The following GNAL variants were observed in gnomAD, a reference collection of about 807,000 sequenced individuals.
GNAL encodes the protein G protein subunit alpha L, also known as guanine nucleotide-binding protein G(olf) subunit alpha.
In GNAL, 18 loss-of-function variants were observed where a neutral mutation model predicts 55.1. That is an observed-to-expected ratio of 0.33 (90% CI 0.23 to 0.48). The LOEUF (loss-of-function observed/expected upper bound fraction) is 0.48, where lower values mean the gene tolerates loss of function less well. Among genes scored for constraint, GNAL ranks in the 20% least tolerant of loss-of-function variants. The pLI is 0.99. For synonymous variants in GNAL, 253 were observed against 237.0 expected (o/e 1.07, Z -0.62); for missense variants, 412 against 614.1 (o/e 0.67, Z 3.48).
chr18:11,775,237 G>A (rs886476659), intron 4 of GNAL, among the ~76,000 whole-genome samples: 4 of 152,228 alleles, frequency 2.6e-5, no homozygotes, highest in African/African-American at 9.6e-5. Context: ...ACCAACTGTG[G>A]ACCCTTGCTT....
In GNAL at chr18:11,868,337, T is replaced by A. The variant is rs182129811; in HGVS notation, c.911-206T>A. ...AGCACTTAAGCATCCCAAATTTACATGTGTCTTTTGGGGTGGGCTCTTCAT... is the reference window on the plus strand; with the variant it reads ...AGCACTTAAGCATCCCAAATTTACAAGTGTCTTTTGGGGTGGGCTCTTCAT... On this transcript the variant is annotated intron_variant, in intron 8 of 11. Transcript: ENST00000334049. The surrounding 1 kb of genome is among the most constrained non-coding windows in gnomAD (Gnocchi z 4.0). 4.6e-5 allele frequency among the ~76,000 whole-genome samples: 7 copies of A among 151,398 alleles called. No individual in the cohort carries two copies. The highest frequency in any genetic ancestry group is 1.5e-5 in the Non-Finnish European group (1 of 67,874).
chr18:11,711,726 G>A (rs1308347780), intron 1 of GNAL, among the ~76,000 whole-genome samples: 1 of 152,062 alleles, frequency 6.6e-6, no homozygotes, highest in East Asian at 1.9e-4. Context: ...TTTCTTTAGG[G>A]TAGGTTACTG....
At chr18:11,763,377 T>TATCA (rs2033305573) in intron 4 of GNAL, among the ~76,000 whole-genome samples, 1 of 152,182 alleles carries the variant, frequency 6.6e-6, no homozygotes, top group Non-Finnish European at 1.5e-5. Context: ...ACAGCACAGG[T>TATCA]ATCAAAATTA....
At chr18:11,864,931 TTA>T (rs2036227279) in intron 7 of GNAL, among the ~76,000 whole-genome samples, 1 of 152,162 alleles carries the variant, frequency 6.6e-6, no homozygotes, top group South Asian at 2.1e-4. Flanking sequence ...AATGAGCAGT[TTA>T]TGTGTGTCTC....
At chr18:11,821,521 A>T (rs2035089176) in intron 4 of GNAL, among the ~76,000 whole-genome samples, 1 of 152,362 alleles carries the variant, frequency 6.6e-6, no homozygotes, top group East Asian at 1.9e-4. Flanking sequence ...ACTACGTAAG[A>T]ACTATTTTAA....
In GNAL at chr18:11,689,837, C is replaced by G. The variant is rs1250138763; in HGVS notation, c.274C>G (p.Arg92Gly). Residue 92 changes from arginine (R) to glycine (G), a missense_variant, in exon 1 of 12, where the codon CGC becomes GGC. By Grantham distance (125) the Arg-to-Gly change is moderately radical. This residue lies in a region of GNAL where 228 missense variants were observed against 194.8 expected (regional missense o/e 1.17). Coordinates refer to ENST00000334049, the MANE Select transcript of GNAL (RefSeq NM_182978.4). ...CGAGGAGCGCGAGGCGGCCAAGGAG[C>G]GCGAGGCGGTCAAGGAGGCGAGGAA... ...SAEEREAAKE[R>G]EAVKEARKVS... 2.6e-6 allele frequency: 4 copies of G among 1,536,926 alleles called. No homozygotes were observed. Among genetic ancestry groups the G allele is most frequent in the Non-Finnish European group, 3.5e-6 (4 of 1,144,856 alleles).
chr18:11,851,395 A>G, intron 5 of GNAL: 1 of 1,292,592 alleles, frequency 7.7e-7, no homozygotes. Flanking sequence ...CGCTCACAGT[A>G]GAAACAGGAA....
In GNAL at chr18:11,881,582, C is replaced by T. The variant is rs2036694934; in HGVS notation, c.*447C>T. 6.4e-6 allele frequency: 1 copy of T among 155,124 alleles called. No homozygotes were observed. 9.6% of individuals were successfully genotyped at this position (155,124 alleles called of 1,614,324 possible). On this transcript the variant is annotated 3_prime_UTR_variant, in exon 12 of 12. Transcript: ENST00000334049. The surrounding 1 kb of genome is among the most constrained non-coding windows in gnomAD (Gnocchi z 4.8). ...AGCTGCAGGCTGACGAGAGATGGTC[C>T]CTTCCCATTGGCCTTAGCCCAAGAC...
chr18:11,860,183 A>G (rs1235464403), intron 5 of GNAL, among the ~76,000 whole-genome samples: 6 of 152,136 alleles, frequency 3.9e-5, no homozygotes, highest in African/African-American at 7.2e-5. Context: ...TCCTATCGCT[A>G]TGAAAGGCCA....
intron 1 of GNAL, among the ~76,000 whole-genome samples, chr18:11,730,031 C>CTT (rs1431492708): frequency 0.011 from 1,696 of 151,116 alleles, 21 homozygotes; most frequent in African/African-American, 0.04. Flanking sequence ...TTTTTCTTTT[C>CTT]TTTTCTTTTC....
intron 5 of GNAL, among the ~76,000 whole-genome samples, chr18:11,830,199 T>A (rs988635303): frequency 6.6e-6 from 1 of 151,436 alleles, no homozygotes; most frequent in Non-Finnish European, 1.5e-5. Context: ...TTTCTTTACA[T>A]CTAAATTGCT....
At chr18:11,712,844 C>T (rs1305160157) in intron 1 of GNAL, among the ~76,000 whole-genome samples, 5 of 152,150 alleles carry the variant, frequency 3.3e-5, no homozygotes, top group Admixed American at 6.5e-5. Context: ...CTTTCACAGA[C>T]TACATTCCCT....
intron 4 of GNAL, among the ~76,000 whole-genome samples, chr18:11,811,114 T>C (rs2143568785): frequency 6.6e-6 from 1 of 152,270 alleles, no homozygotes; most frequent in East Asian, 1.9e-4. Flanking sequence ...AATCCGGGCC[T>C]TGCCACATTT....
intron 4 of GNAL, among the ~76,000 whole-genome samples, chr18:11,778,780 A>G (rs184239508): frequency 3.2e-4 from 49 of 152,090 alleles, no homozygotes; most frequent in African/African-American, 1.2e-3. Flanking sequence ...AGAATTTTAT[A>G]GATAGTAACC....
intron 4 of GNAL, among the ~76,000 whole-genome samples, chr18:11,760,497 A>G (rs562563541): frequency 1.3e-5 from 2 of 152,290 alleles, no homozygotes; most frequent in South Asian, 2.1e-4. Flanking sequence ...TGTGTCTGGC[A>G]TGGAAGGAAA....
intron 5 of GNAL, chr18:11,851,858 A>G (rs1223367435): frequency 1.2e-6 from 2 of 1,613,968 alleles, no homozygotes; most frequent in Admixed American, 1.7e-5. Flanking sequence ...GCTTTGATGG[A>G]CAAATTCGAG....
intron 4 of GNAL, among the ~76,000 whole-genome samples, chr18:11,806,930 G>A (rs1004982833): frequency 3.9e-5 from 6 of 152,064 alleles, no homozygotes; most frequent in Non-Finnish European, 8.8e-5. Context: ...GCCTCCCACA[G>A]TGCTGGTATT....
chr18:11,821,957 C>T (rs768491010), intron 4 of GNAL, among the ~76,000 whole-genome samples: 5 of 152,260 alleles, frequency 3.3e-5, no homozygotes, highest in African/African-American at 7.2e-5. Flanking sequence ...CAGGCCATGG[C>T]CGCCGCTCCG....
chr18:11,847,234 T>A (rs1007240079), intron 5 of GNAL, among the ~76,000 whole-genome samples: 2 of 152,088 alleles, frequency 1.3e-5, no homozygotes, highest in Non-Finnish European at 2.9e-5. Context: ...TAGGAAAGCC[T>A]GCTGCTCAGC....
Sources: gnomAD v4.1 joint callset for allele counts (sites outside exome capture counted in the v4.1 genomes callset) on GRCh38, gnomAD v4.1.1 for gene constraint, gnomAD v4.1.1 regional missense constraint, Gnocchi (gnomAD v3.1) non-coding constraint, MANE v1.5 for transcripts, NCBI Gene and HGNC (gene_info 2026-07-23, HGNC 2026-07-21) for gene names.